Variants in TNR observed in about 807,000 individuals in gnomAD.
The protein encoded by TNR is tenascin R, also known as tenascin-R.
TNR carries 45 observed loss-of-function variants against 150.4 expected under a neutral mutation model. The observed-to-expected ratio is 0.30, with a 90% CI of 0.24 to 0.38. The LOEUF (loss-of-function observed/expected upper bound fraction) is 0.38, where lower values mean the gene tolerates loss of function less well. TNR is among the 10% of genes least tolerant of loss of function. TNR has a pLI of 1.00. For synonymous variants in TNR, 687 were observed against 678.4 expected (o/e 1.01, Z -0.20); for missense variants, 1,544 against 1,759.1 (o/e 0.88, Z 2.19).
intron 1 of TNR, among the ~76,000 whole-genome samples, chr1:175,558,854 T>A (rs1661298906): frequency 6.6e-6 from 1 of 152,230 alleles, no homozygotes; most frequent in African/African-American, 2.4e-5. Context: ...TAATGGTGGA[T>A]ACATGTCATT....
chr1:175,642,460 A>G lies in TNR; in HGVS notation c.-165+100766T>C, dbSNP rs546659623. Among the ~76,000 whole-genome samples, 4 of 152,334 alleles carry G rather than the reference A, an allele frequency of 2.6e-5. No homozygotes were observed. In the South Asian group the frequency reaches 8.3e-4, roughly 32 times the overall value. Reference sequence around the variant, plus strand: ...TAGGAACTTGGGCTTTTTGTAAGCAATGAGGAATTACTAAAGTGGTTTAAG... The same window carrying G: ...TAGGAACTTGGGCTTTTTGTAAGCAGTGAGGAATTACTAAAGTGGTTTAAG... On this transcript the variant is annotated intron_variant, in intron 1 of 22. Transcript: ENST00000367674.
intron 1 of TNR, among the ~76,000 whole-genome samples, chr1:175,660,366 G>A (rs2101896197): frequency 6.6e-6 from 1 of 152,312 alleles, no homozygotes; most frequent in Middle Eastern, 3.4e-3. Context: ...AGGCCCTGGG[G>A]ACCTCAGTCG....
chr1:175,566,685 C>G (rs1349606361), intron 1 of TNR, among the ~76,000 whole-genome samples: 1 of 152,208 alleles, frequency 6.6e-6, no homozygotes, highest in African/African-American at 2.4e-5. Flanking sequence ...CACGAAGTCT[C>G]CATGTCATGG....
chr1:175,330,999 T>TTC (rs1437406046), intron 20 of TNR, among the ~76,000 whole-genome samples: 3 of 20,772 alleles, frequency 1.4e-4, no homozygotes, highest in Non-Finnish European at 2.8e-4. Flanking sequence ...CTCTTGGTGA[T>TTC]TCTTTCTTTC....
intron 2 of TNR, among the ~76,000 whole-genome samples, chr1:175,415,134 CT>C (rs1557918815): frequency 1.4e-5 from 2 of 139,216 alleles, no homozygotes; most frequent in African/African-American, 5.7e-5. Context: ...AAATGACACT[CT>C]TTTTTTGTGC....
intron 8 of TNR, 116 bp downstream of exon 8, chr1:175,385,916 C>T: frequency 1.6e-6 from 2 of 1,242,722 alleles, no homozygotes; most frequent in Non-Finnish European, 2.2e-6. Context: ...TATGACAAGG[C>T]CAATGCTCTG....
rs367851010 is a variant in TNR, at chr1:175,323,348, G to A, written c.*9C>T. On this transcript the variant is annotated 3_prime_UTR_variant, in exon 23 of 23. Transcript: ENST00000367674. ...AGAAAATATTGGTTGGCTTGCAGCC[G>A]CCCACTGCTCAGAACTGTAAGGACT... 486 of 1,611,398 alleles carry A rather than the reference G, an allele frequency of 3.0e-4. No homozygotes were observed. The highest frequency in any genetic ancestry group is 2.7e-4 in the Non-Finnish European group (316 of 1,179,012).
intron 2 of TNR, among the ~76,000 whole-genome samples, chr1:175,473,684 C>T (rs964934069): frequency 1.3e-5 from 2 of 152,138 alleles, no homozygotes; most frequent in African/African-American, 2.4e-5. Flanking sequence ...TACTGGGTAG[C>T]CATAGTGATG....
intron 2 of TNR, among the ~76,000 whole-genome samples, chr1:175,435,982 T>C (rs1655490563): frequency 6.6e-6 from 1 of 152,268 alleles, no homozygotes; most frequent in African/African-American, 2.4e-5. Flanking sequence ...CTCTTCTGGC[T>C]TGCAGAGTTT....
intron 21 of TNR, among the ~76,000 whole-genome samples, chr1:175,327,361 T>C (rs968400091): frequency 6.6e-6 from 1 of 152,186 alleles, no homozygotes; most frequent in Non-Finnish European, 1.5e-5. Flanking sequence ...TTATAATACC[T>C]TTTTCTTAAT....
chr1:175,529,239 T>C (rs942632027), intron 1 of TNR, among the ~76,000 whole-genome samples: 1 of 152,204 alleles, frequency 6.6e-6, no homozygotes, highest in Non-Finnish European at 1.5e-5. Context: ...ATATCATTTA[T>C]AGGTGCTTCA....
intron 2 of TNR, among the ~76,000 whole-genome samples, chr1:175,470,387 G>A (rs1430437741): frequency 6.6e-6 from 1 of 152,126 alleles, no homozygotes; most frequent in Non-Finnish European, 1.5e-5. Flanking sequence ...TGAGGGAGAG[G>A]TCGAAAGAGA....
intron 2 of TNR, among the ~76,000 whole-genome samples, chr1:175,419,044 GTTAT>G (rs905290643): frequency 6.6e-6 from 1 of 152,122 alleles, no homozygotes; most frequent in African/African-American, 2.4e-5. Context: ...TTATTTTGCA[GTTAT>G]TTAGTCAGTA....
intron 1 of TNR, among the ~76,000 whole-genome samples, chr1:175,558,678 C>T (rs868422372): frequency 1.5e-4 from 23 of 152,244 alleles, no homozygotes; most frequent in Middle Eastern, 3.4e-3. Flanking sequence ...TATTTCTCTT[C>T]CATAGGAAAA....
intron 6 of TNR, among the ~76,000 whole-genome samples, chr1:175,392,856 A>C (rs561792623): frequency 6.6e-6 from 1 of 152,316 alleles, no homozygotes; most frequent in Non-Finnish European, 1.5e-5. Flanking sequence ...ATGTAAAATG[A>C]GGGGTCGTAC....
intron 1 of TNR, among the ~76,000 whole-genome samples, chr1:175,741,739 C>A (rs116614913): frequency 1.9e-3 from 287 of 152,274 alleles, no homozygotes; most frequent in Admixed American, 4.1e-3. Flanking sequence ...TGTCTCTCAC[C>A]CAGAAGGCTC....
At chr1:175,693,082 A>G (rs768184096) in intron 1 of TNR, among the ~76,000 whole-genome samples, 47 of 152,358 alleles carry the variant, frequency 3.1e-4, no homozygotes, top group African/African-American at 1.1e-3. Flanking sequence ...AATAAACTAC[A>G]AACATGACAA....
intron 10 of TNR, among the ~76,000 whole-genome samples, chr1:175,366,866 C>A (rs574078509): frequency 2.0e-5 from 3 of 152,210 alleles, no homozygotes; most frequent in Non-Finnish European, 4.4e-5. Flanking sequence ...GGCGAGGATG[C>A]CCCATTCTGC....
chr1:175,650,967 CTCATTACTACT>C (rs1268125062), intron 1 of TNR, among the ~76,000 whole-genome samples: 347 of 106,970 alleles, frequency 3.2e-3, no homozygotes, highest in Middle Eastern at 5.0e-3. Flanking sequence ...TCCCCCCCAC[CTCATTACTACT>C]CCTCCCCATC....
Sources: gnomAD v4.1 joint callset for allele counts (sites outside exome capture counted in the v4.1 genomes callset) on GRCh38, gnomAD v4.1.1 for gene constraint, MANE v1.5 for transcripts, NCBI Gene and HGNC (gene_info 2026-07-23, HGNC 2026-07-21) for gene names.